LHFPL6: variants seen among roughly 807,000 people sequenced by gnomAD.
LHFPL6 encodes the protein LHFPL tetraspan subfamily member 6 protein.
Under a neutral mutation model 20.6 loss-of-function variants are expected in LHFPL6, and 9 were observed. The observed-to-expected ratio is 0.44, with a 90% CI of 0.26 to 0.76. The LOEUF is 0.76. Ranked by LOEUF, LHFPL6 falls within the 30% of genes least tolerant of loss-of-function variation. The probability of loss-of-function intolerance (pLI) is 0.20; values close to 1 mark genes in which losing one functional copy is unlikely to be tolerated. For missense variants in LHFPL6, 218 were observed against 253.5 expected, an observed-to-expected ratio of 0.86 and a Z score of 0.95; for synonymous variants, 105 against 98.7, an observed-to-expected ratio of 1.06 and a Z score of -0.38.
intron 2 of LHFPL6, among the ~76,000 whole-genome samples, chr13:39,409,962 A>C (rs1328880998): frequency 6.6e-6 from 1 of 152,240 alleles, no homozygotes; most frequent in Non-Finnish European, 1.5e-5. Context: ...TTTTTGTTAC[A>C]GAAGCAATAA....
At position 39,386,769 on chromosome 13, in the gene LHFPL6, C is replaced by CT. The variant is rs1271948084; in HGVS notation, c.386-8244dup. ...AGGTCCTGGTCATCCTGTTAACTGCCTGGGTGCCCTGGCCAGACTCAAAGA... is the reference window on the plus strand; with the variant it reads ...AGGTCCTGGTCATCCTGTTAACTGCCTTGGGTGCCCTGGCCAGACTCAAAGA... On this transcript the variant is annotated intron_variant, in intron 2 of 3. Coordinates refer to ENST00000379589, the MANE Select transcript of LHFPL6 (RefSeq NM_005780.3). Among the ~76,000 whole-genome samples the CT allele has an allele frequency of 3.9e-5, 6 of 152,202 alleles. 1 individual carries two copies. The highest frequency in any genetic ancestry group is 7.3e-5 in the Non-Finnish European group (5 of 68,038).
intron 2 of LHFPL6, among the ~76,000 whole-genome samples, chr13:39,440,737 G>A (rs1566112119): frequency 1.3e-5 from 2 of 152,014 alleles, no homozygotes; most frequent in African/African-American, 4.8e-5. Context: ...TGGTTTGGCT[G>A]TGTCCCCCAC....
chr13:39,375,471 A>C (rs1244947741), intron 3 of LHFPL6, among the ~76,000 whole-genome samples: 1 of 152,152 alleles, frequency 6.6e-6, no homozygotes, highest in Non-Finnish European at 1.5e-5. Context: ...TGGGTGGATC[A>C]CTTGAGGTCA....
At chr13:39,531,724 A>G (rs1870471158) in intron 2 of LHFPL6, among the ~76,000 whole-genome samples, 1 of 152,142 alleles carries the variant, frequency 6.6e-6, no homozygotes. Context: ...AAGTGTGACC[A>G]CCGCATTAAG....
At chr13:39,404,503 C>T (rs892793543) in intron 2 of LHFPL6, among the ~76,000 whole-genome samples, 3 of 152,164 alleles carry the variant, frequency 2.0e-5, no homozygotes, top group African/African-American at 7.2e-5. Flanking sequence ...AATCCCAATG[C>T]CCAGGCCACA....
chr13:39,381,218 A>T (rs1281030413), intron 2 of LHFPL6, among the ~76,000 whole-genome samples: 1 of 152,202 alleles, frequency 6.6e-6, no homozygotes, highest in Non-Finnish European at 1.5e-5. Flanking sequence ...GCTAATGTTC[A>T]TTACGAGTAA....
chr13:39,482,850 G>C (rs111582276), intron 2 of LHFPL6, among the ~76,000 whole-genome samples: 1 of 152,210 alleles, frequency 6.6e-6, no homozygotes, highest in Non-Finnish European at 1.5e-5. Context: ...AAAAGATGAT[G>C]AAAAGAAAAG....
At chr13:39,510,906 C>G (rs1031454544) in intron 2 of LHFPL6, among the ~76,000 whole-genome samples, 3 of 149,408 alleles carry the variant, frequency 2.0e-5, no homozygotes, top group Non-Finnish European at 4.4e-5. Flanking sequence ...GAGTTTCGCT[C>G]TTATTGCCCA....
chr13:39,507,288 G>A (rs1869519235), intron 2 of LHFPL6, among the ~76,000 whole-genome samples: 1 of 152,188 alleles, frequency 6.6e-6, no homozygotes, highest in East Asian at 1.9e-4. Context: ...TGCATGCTAG[G>A]ACCTGTAGAC....
At chr13:39,573,825 T>C (rs1421287104) in intron 2 of LHFPL6, among the ~76,000 whole-genome samples, 1 of 152,240 alleles carries the variant, frequency 6.6e-6, no homozygotes, top group African/African-American at 2.4e-5. Flanking sequence ...GAAATAATTA[T>C]AAAACATAAA....
chr13:39,443,763 A>T (rs1218405458), intron 2 of LHFPL6, among the ~76,000 whole-genome samples: 5 of 151,892 alleles, frequency 3.3e-5, no homozygotes, highest in Admixed American at 2.6e-4. Context: ...TGTGAAAGTA[A>T]TACGCATTCA....
chr13:39,500,813 AT>A (rs1410803982), intron 2 of LHFPL6, among the ~76,000 whole-genome samples: 1 of 152,190 alleles, frequency 6.6e-6, no homozygotes, highest in African/African-American at 2.4e-5. Flanking sequence ...CAAACCCAGT[AT>A]TTCACATAGT....
chr13:39,598,287 CTT>C (rs11404413), intron 2 of LHFPL6, among the ~76,000 whole-genome samples: 1 of 148,428 alleles, frequency 6.7e-6, no homozygotes, highest in Non-Finnish European at 1.5e-5. Context: ...CTTTTTGAAA[CTT>C]TTTTTTTTTT....
At chr13:39,364,574 C>T (rs1363532770) in intron 3 of LHFPL6, among the ~76,000 whole-genome samples, 1 of 152,162 alleles carries the variant, frequency 6.6e-6, no homozygotes, top group Non-Finnish European at 1.5e-5. Flanking sequence ...ACGAGTGGAG[C>T]GGCTTCTGAA....
chr13:39,438,831 G>A (rs746003487), intron 2 of LHFPL6, among the ~76,000 whole-genome samples: 8 of 152,208 alleles, frequency 5.3e-5, no homozygotes, highest in South Asian at 2.1e-4. Flanking sequence ...AAGAGTTGAG[G>A]TTTGGGGGCC....
chr13:39,455,238 G>C (rs1053285311), intron 2 of LHFPL6, among the ~76,000 whole-genome samples: 31 of 152,128 alleles, frequency 2.0e-4, no homozygotes, highest in African/African-American at 7.2e-4. Context: ...TGGGCGCCCA[G>C]AGCATGCAGA....
chr13:39,415,964 A>G (rs1387286109), intron 2 of LHFPL6, among the ~76,000 whole-genome samples: 1 of 112,558 alleles, frequency 8.9e-6, no homozygotes, highest in Non-Finnish European at 2.1e-5. Flanking sequence ...AAGGTCCTTC[A>G]GACATCACCC....
intron 2 of LHFPL6, among the ~76,000 whole-genome samples, chr13:39,493,108 G>A (rs1167922973): frequency 1.3e-5 from 2 of 151,926 alleles, no homozygotes. Context: ...ATGCCATTTG[G>A]TGATTTATAT....
chr13:39,423,085 C>T (rs1871540552), intron 2 of LHFPL6, among the ~76,000 whole-genome samples: 1 of 152,136 alleles, frequency 6.6e-6, no homozygotes, highest in Non-Finnish European at 1.5e-5. Flanking sequence ...GTGGGGATTA[C>T]AGGGAACTAC....
Sources: allele counts gnomAD v4.1 joint callset (sites outside exome capture counted in the v4.1 genomes callset), GRCh38; gene constraint gnomAD v4.1.1; transcripts MANE v1.5; gene names NCBI Gene and HGNC (gene_info 2026-07-23, HGNC 2026-07-21).